The following FRMD3 variants were observed in gnomAD, a reference collection of about 807,000 sequenced individuals.
The protein encoded by FRMD3 is FERM domain-containing protein 3.
In FRMD3, 33 loss-of-function variants were observed where a neutral mutation model predicts 70.2. The ratio of observed to expected loss-of-function variants is 0.47; its 90% CI spans 0.36 to 0.63. FRMD3 has a LOEUF of 0.63. Ranked by LOEUF, FRMD3 falls within the 20% of genes least tolerant of loss-of-function variation. The probability of loss-of-function intolerance (pLI) is 0.00; values close to 1 mark genes in which losing one functional copy is unlikely to be tolerated. For missense variants in FRMD3, 632 were observed against 711.4 expected (o/e 0.89, Z 1.27); for synonymous variants, 279 against 255.9 (o/e 1.09, Z -0.86).
intron 1 of FRMD3, among the ~76,000 whole-genome samples, chr9:83,419,993 T>A (rs772325759): frequency 6.6e-6 from 1 of 152,220 alleles, no homozygotes. Flanking sequence ...GCATGTTGCC[T>A]GGAAGTAAAG....
chr9:83,309,951 T>C (rs1033249239), intron 9 of FRMD3, among the ~76,000 whole-genome samples: 9 of 152,194 alleles, frequency 5.9e-5, no homozygotes, highest in African/African-American at 1.7e-4. Context: ...GAGGAACTAG[T>C]ACTTGGGCTG....
At chr9:83,524,144 T>C (rs1364094874) in intron 1 of FRMD3, among the ~76,000 whole-genome samples, 2 of 152,262 alleles carry the variant, frequency 1.3e-5, no homozygotes, top group African/African-American at 4.8e-5. Flanking sequence ...TGCTCTGCAT[T>C]GCTAGATTTT....
intron 1 of FRMD3, among the ~76,000 whole-genome samples, chr9:83,515,285 T>G (rs531220784): frequency 6.6e-6 from 1 of 152,272 alleles, no homozygotes; most frequent in African/African-American, 2.4e-5. Context: ...AATGACCTGA[T>G]GGAGCTGAAA....
At chr9:83,282,772 G>A (rs1238223122) in intron 13 of FRMD3, among the ~76,000 whole-genome samples, 1 of 152,218 alleles carries the variant, frequency 6.6e-6, no homozygotes, top group Non-Finnish European at 1.5e-5. Context: ...CCACTGCTAT[G>A]CTTCCACTGC....
chr9:83,305,706 T>C (rs753539752), intron 10 of FRMD3, among the ~76,000 whole-genome samples: 86 of 152,294 alleles, frequency 5.6e-4, no homozygotes, highest in South Asian at 2.5e-3. Flanking sequence ...AGGATGGTTA[T>C]GGGATAATGG....
intron 4 of FRMD3, among the ~76,000 whole-genome samples, chr9:83,348,659 G>C (rs79185153): frequency 0.024 from 3,689 of 152,142 alleles, 158 homozygotes; most frequent in African/African-American, 0.084. Flanking sequence ...GAAAAAACCA[G>C]GCCAGATTGC....
intron 1 of FRMD3, among the ~76,000 whole-genome samples, chr9:83,413,374 T>C (rs1826333861): frequency 6.6e-6 from 1 of 152,152 alleles, no homozygotes; most frequent in South Asian, 2.1e-4. Flanking sequence ...TTGGCTCTTC[T>C]CACTGTCCCC....
intron 6 of FRMD3, among the ~76,000 whole-genome samples, chr9:83,330,407 C>G (rs1836214488): frequency 6.6e-6 from 1 of 152,034 alleles, no homozygotes; most frequent in Non-Finnish European, 1.5e-5. Flanking sequence ...CCAGAGGGCT[C>G]TAGAGGGAGG....
intron 10 of FRMD3, among the ~76,000 whole-genome samples, chr9:83,300,042 T>C (rs1205462680): frequency 6.6e-6 from 1 of 152,184 alleles, no homozygotes; most frequent in African/African-American, 2.4e-5. Flanking sequence ...AAAATATTGA[T>C]AGTCACAAAA....
At chr9:83,412,766 G>A (rs923089684) in intron 1 of FRMD3, among the ~76,000 whole-genome samples, 13 of 152,070 alleles carry the variant, frequency 8.5e-5, no homozygotes, top group Admixed American at 5.2e-4. Flanking sequence ...AGGCAGAGGC[G>A]GGTGGATAAC....
chr9:83,454,754 C>A (rs1478995998), intron 1 of FRMD3, among the ~76,000 whole-genome samples: 1 of 152,232 alleles, frequency 6.6e-6, no homozygotes, highest in Non-Finnish European at 1.5e-5. Context: ...CCAGCCACCA[C>A]TTCAGTAGCT....
At chr9:83,326,222 A>G (rs1836010226) in intron 6 of FRMD3, among the ~76,000 whole-genome samples, 1 of 152,204 alleles carries the variant, frequency 6.6e-6, no homozygotes, top group South Asian at 2.1e-4. Flanking sequence ...AATCTGTTAC[A>G]CTAGTGCTTA....
In FRMD3 at chr9:83,482,059, CA is replaced by C. The variant is rs1828579856; in HGVS notation, c.147+56025del. Among the ~76,000 whole-genome samples the C allele has an allele frequency of 2.6e-5, 4 of 151,924 alleles. No homozygotes were observed. The South Asian group carries it at 8.3e-4, about 32-fold the overall frequency. On this transcript the variant is annotated intron_variant, in intron 1 of 13. Transcript: ENST00000304195. ...ACATAAAACAAAAGAAAACAAAAGA[CA>C]GCAAATTACTTTGCCAGGAAATCTT...
chr9:83,426,883 T>C (rs1260957269), intron 1 of FRMD3, among the ~76,000 whole-genome samples: 1 of 152,122 alleles, frequency 6.6e-6, no homozygotes, highest in African/African-American at 2.4e-5. Flanking sequence ...AAGCTTCGGT[T>C]TGGAGGGAGC....
At chr9:83,449,056 C>G (rs184365984) in intron 1 of FRMD3, among the ~76,000 whole-genome samples, 21 of 152,198 alleles carry the variant, frequency 1.4e-4, no homozygotes, top group African/African-American at 4.8e-4. Context: ...GATCAGGAAG[C>G]AAAACAGCAT....
In FRMD3 at chr9:83,312,880, C is replaced by T. The variant is rs371713971; in HGVS notation, c.684+780G>A. On this transcript the variant is annotated intron_variant, in intron 7 of 13. Transcript: ENST00000304195. ...TCTAATGAGCAGCCCAAGCTGAGACCTATAGGACTAATGCTTTGCCAAATA... is the reference window on the plus strand; with the variant it reads ...TCTAATGAGCAGCCCAAGCTGAGACTTATAGGACTAATGCTTTGCCAAATA... Among the ~76,000 whole-genome samples the T allele has an allele frequency of 2.6e-5, 4 of 152,292 alleles. No homozygotes were observed. In the South Asian group the frequency reaches 8.3e-4, roughly 32 times the overall value.
intron 1 of FRMD3, among the ~76,000 whole-genome samples, chr9:83,403,802 G>GA: frequency 6.6e-6 from 1 of 152,166 alleles, no homozygotes; most frequent in South Asian, 2.1e-4. Context: ...TTATTTGGTC[G>GA]AATGACCTTC....
At chr9:83,279,090 C>T (rs925113710) in intron 13 of FRMD3, 1 of 152,168 alleles carries the variant, frequency 6.6e-6, no homozygotes. Context: ...AACAAAATTT[C>T]CAGCCTATGT....
chr9:83,408,240 C>T (rs1826182656), intron 1 of FRMD3, among the ~76,000 whole-genome samples: 1 of 152,220 alleles, frequency 6.6e-6, no homozygotes, highest in African/African-American at 2.4e-5. Flanking sequence ...ATAAAAGATT[C>T]TTCTTTCAGA....
Sources: gnomAD v4.1 joint callset for allele counts (sites outside exome capture counted in the v4.1 genomes callset) on GRCh38, gnomAD v4.1.1 for gene constraint, MANE v1.5 for transcripts, NCBI Gene and HGNC (gene_info 2026-07-23, HGNC 2026-07-21) for gene names.